Variants in APBA1 observed in about 807,000 individuals in gnomAD.
APBA1 encodes amyloid-beta A4 precursor protein-binding family A member 1.
In APBA1, 55 loss-of-function variants were observed where a neutral mutation model predicts 86.6. That is an observed-to-expected ratio of 0.64 (90% confidence interval 0.51 to 0.80). The LOEUF (loss-of-function observed/expected upper bound fraction) is 0.80. APBA1 is among the 30% of genes least tolerant of loss of function. APBA1 has a pLI of 0.00. For missense variants in APBA1, 1,090 were observed against 1,183.0 expected (o/e 0.92, Z 1.15); for synonymous variants, 511 against 493.9 (o/e 1.03, Z -0.46).
chr9:69,608,693 C>T (rs1822523961), intron 1 of APBA1, among the ~76,000 whole-genome samples: 1 of 152,124 alleles, frequency 6.6e-6, no homozygotes, highest in Non-Finnish European at 1.5e-5. Flanking sequence ...GTGATAAAGT[C>T]TTAGAGGGTA....
Position 69,458,196 on chromosome 9 carries a change from G to T in APBA1, c.1483-8C>A, listed in dbSNP as rs757551094. The T allele has an allele frequency of 6.8e-6, 11 of 1,609,384 alleles. No homozygotes were observed. The highest frequency in any genetic ancestry group is 9.3e-6 in the Non-Finnish European group (11 of 1,178,702). On this transcript the variant is annotated splice_region_variant and splice_polypyrimidine_tract_variant and intron_variant, in intron 5 of 12. Transcript: ENST00000265381. ...GGCTAATTTCTGGGCCATCTGCTTA[G>T]CATGGAACAAACAGAGACAGGAGAA...
chr9:69,434,292 C>G (rs1382091507), intron 11 of APBA1, among the ~76,000 whole-genome samples: 1 of 152,144 alleles, frequency 6.6e-6, no homozygotes, highest in Admixed American at 6.5e-5. Context: ...CTGCATGTCA[C>G]AGAAACACTG....
intron 2 of APBA1, among the ~76,000 whole-genome samples, chr9:69,502,409 CTT>C (rs1835892886): frequency 2.6e-5 from 4 of 151,892 alleles, no homozygotes; most frequent in Admixed American, 2.6e-4. Context: ...TCTCCCATCT[CTT>C]TTTGTTTTTT....
chr9:69,497,714 C>A (rs1237711933), intron 2 of APBA1, among the ~76,000 whole-genome samples: 4 of 152,154 alleles, frequency 2.6e-5, no homozygotes, highest in Admixed American at 6.5e-5. Flanking sequence ...ATTTCCACAG[C>A]CTGCCCTAGT....
At chr9:69,466,428 C>G (rs1480523118) in intron 5 of APBA1, among the ~76,000 whole-genome samples, 1 of 152,216 alleles carries the variant, frequency 6.6e-6, no homozygotes, top group Non-Finnish European at 1.5e-5. Flanking sequence ...CTGCAAGCAC[C>G]TCTTGGAATT....
chr9:69,583,363 C>G (rs1356788778), intron 1 of APBA1, among the ~76,000 whole-genome samples: 2 of 152,160 alleles, frequency 1.3e-5, no homozygotes, highest in African/African-American at 4.8e-5. Context: ...TCTTCAGCCC[C>G]TTGAACCTAG....
intron 1 of APBA1, among the ~76,000 whole-genome samples, chr9:69,563,922 C>T (rs539402818): frequency 6.6e-6 from 1 of 152,246 alleles, no homozygotes; most frequent in Non-Finnish European, 1.5e-5. Context: ...TGCAGTCTCT[C>T]CTCAAGGTCA....
At chr9:69,638,939 A>C (rs1300270059) in intron 1 of APBA1, among the ~76,000 whole-genome samples, 1 of 152,202 alleles carries the variant, frequency 6.6e-6, no homozygotes, top group South Asian at 2.1e-4. Flanking sequence ...GTCACATGAA[A>C]ATAACAGAAA....
chr9:69,565,666 C>T (rs886077893), intron 1 of APBA1, among the ~76,000 whole-genome samples: 4 of 152,176 alleles, frequency 2.6e-5, no homozygotes, highest in African/African-American at 9.7e-5. Context: ...GGTTCATCCT[C>T]CCCTCTTATT....
intron 1 of APBA1, among the ~76,000 whole-genome samples, chr9:69,560,298 G>A (rs778199549): frequency 6.6e-6 from 1 of 152,000 alleles, no homozygotes; most frequent in Non-Finnish European, 1.5e-5. Context: ...TCTATTTGAG[G>A]TTAAAGGAGA....
chr9:69,600,136 C>A (rs896337037), intron 1 of APBA1, among the ~76,000 whole-genome samples: 3 of 152,136 alleles, frequency 2.0e-5, no homozygotes, highest in Admixed American at 2.0e-4. Flanking sequence ...AAAACTGTGC[C>A]TCCCATAAAA....
intron 1 of APBA1, among the ~76,000 whole-genome samples, chr9:69,627,522 G>A (rs1822957101): frequency 6.6e-6 from 1 of 151,870 alleles, no homozygotes; most frequent in African/African-American, 2.4e-5. Flanking sequence ...CTCCTCTGAT[G>A]GTGTGTGTGT....
At position 69,431,309 on chromosome 9, in the gene APBA1, C is replaced by T; in HGVS notation, c.*18G>A. ...GAAGAGGAGAGTCCTCCATGCATGC[C>T]ACCGCGTGTGGCCGCGGTCAGATGT... On this transcript the variant is annotated 3_prime_UTR_variant, in exon 13 of 13. Transcript: ENST00000265381. 1 of 1,581,802 alleles carries T rather than the reference C, an allele frequency of 6.3e-7. No individual in the cohort carries two copies. Among genetic ancestry groups the T allele is most frequent in the African/African-American group, 1.4e-5 (1 of 73,794 alleles).
At chr9:69,585,533 T>A (rs1822000212) in intron 1 of APBA1, among the ~76,000 whole-genome samples, 1 of 152,154 alleles carries the variant, frequency 6.6e-6, no homozygotes, top group African/African-American at 2.4e-5. Flanking sequence ...CTTCTGCATC[T>A]CTCCCTTGGC....
At chr9:69,529,368 C>A (rs1156779412) in intron 1 of APBA1, among the ~76,000 whole-genome samples, 1 of 151,992 alleles carries the variant, frequency 6.6e-6, no homozygotes, top group East Asian at 1.9e-4. Context: ...ATTTGATGAG[C>A]CAGAAATCCC....
intron 1 of APBA1, among the ~76,000 whole-genome samples, chr9:69,642,473 G>A (rs191528395): frequency 4.6e-5 from 7 of 152,250 alleles, no homozygotes; most frequent in Admixed American, 4.6e-4. Context: ...CAAGGATGCA[G>A]AACAACTGGA....
At chr9:69,534,638 T>C (rs1261920574) in intron 1 of APBA1, among the ~76,000 whole-genome samples, 6 of 152,162 alleles carry the variant, frequency 3.9e-5, no homozygotes, top group Non-Finnish European at 8.8e-5. Context: ...TCTAAATCAA[T>C]GCACAGGAAC....
intron 1 of APBA1, among the ~76,000 whole-genome samples, chr9:69,651,114 A>T (rs368507958): frequency 9.8e-5 from 15 of 152,358 alleles, no homozygotes; most frequent in East Asian, 5.8e-4. Flanking sequence ...ACGTGTAATA[A>T]CATGTATGTA....
At chr9:69,585,540 T>C (rs372309713) in intron 1 of APBA1, among the ~76,000 whole-genome samples, 2 of 152,182 alleles carry the variant, frequency 1.3e-5, no homozygotes, top group African/African-American at 4.8e-5. Context: ...ATCTCTCCCT[T>C]GGCCCAGGGG....
Sources: gnomAD v4.1 joint callset for allele counts (sites outside exome capture counted in the v4.1 genomes callset) on GRCh38, gnomAD v4.1.1 for gene constraint, MANE v1.5 for transcripts, NCBI Gene and HGNC (gene_info 2026-07-23, HGNC 2026-07-21) for gene names.